Variants in POGZ observed in about 807,000 individuals in gnomAD.
The protein encoded by POGZ is pogo transposable element with ZNF domain.
Under a neutral mutation model 134.6 loss-of-function variants are expected in POGZ, and 17 were observed. The observed-to-expected ratio is 0.13, with a 90% CI of 0.09 to 0.19. POGZ has a LOEUF of 0.19. Ranked by LOEUF, POGZ falls within the 10% of genes least tolerant of loss-of-function variation. The probability of loss-of-function intolerance (pLI) is 1.00; values close to 1 mark genes in which losing one functional copy is unlikely to be tolerated. For synonymous variants in POGZ, 693 were observed against 657.1 expected, an observed-to-expected ratio of 1.05 and a Z score of -0.84; for missense variants, 1,306 against 1,769.7, an observed-to-expected ratio of 0.74 and a Z score of 4.70.
chr1:151,452,928 C>T (rs1662310082), intron 1 of POGZ, among the ~76,000 whole-genome samples: 1 of 151,506 alleles, frequency 6.6e-6, no homozygotes, highest in Admixed American at 6.7e-5. Flanking sequence ...AATTCTTTCA[C>T]CCTTTTCTTT....
intron 3 of POGZ, among the ~76,000 whole-genome samples, chr1:151,436,082 G>A (rs1011884805): frequency 6.7e-6 from 1 of 149,152 alleles, no homozygotes; most frequent in African/African-American, 2.5e-5. Context: ...TCAGCCTCCC[G>A]AGTAGCTGGG....
Position 151,459,481 on chromosome 1 carries a change from C to T in POGZ, c.-331G>A, listed in dbSNP as rs1463808409. ...GACTCCCCCCACCGACCCTCTCGCC[C>T]CGCGGAGGGATACGGCTCGTCACTT... On this transcript the variant is annotated 5_prime_UTR_variant, in exon 1 of 19. Transcript: ENST00000271715. The T allele has an allele frequency of 6.6e-6, 1 of 152,316 alleles. No individual in the cohort carries two copies. The highest frequency in any genetic ancestry group is 1.5e-5 in the Non-Finnish European group (1 of 68,054). The allele number at this position is 152,316 out of a possible 1,614,324, so 9.4% of individuals were successfully genotyped here. A position where few individuals can be genotyped will look rare whatever the true frequency, so the allele number is the denominator to read the frequency against.
At chr1:151,442,260 T>C (rs896550757) in intron 1 of POGZ, 55 bp from the exon 2 acceptor site, 28 of 1,516,164 alleles carry the variant, frequency 1.8e-5, no homozygotes, top group Non-Finnish European at 2.2e-5. Context: ...GATATTGCTT[T>C]ATACCAAATA....
intron 3 of POGZ, 117 bp from the exon 4 acceptor site, chr1:151,430,958 G>A: frequency 1.8e-6 from 1 of 550,278 alleles, no homozygotes; most frequent in Non-Finnish European, 2.5e-6. Context: ...ATTTGATACA[G>A]GGTCTCACAC....
intron 1 of POGZ, among the ~76,000 whole-genome samples, chr1:151,447,390 T>C (rs768329668): frequency 6.6e-6 from 1 of 151,952 alleles, no homozygotes; most frequent in Non-Finnish European, 1.5e-5. Context: ...AAAAATTGTA[T>C]TACCATTACA....
intron 3 of POGZ, among the ~76,000 whole-genome samples, chr1:151,433,410 C>T (rs1180314644): frequency 6.6e-6 from 1 of 151,782 alleles, no homozygotes; most frequent in African/African-American, 2.4e-5. Flanking sequence ...GAGTTTGAGA[C>T]CAGCCTGACC....
chr1:151,443,599 G>A (rs1016361817), intron 1 of POGZ, among the ~76,000 whole-genome samples: 3 of 151,936 alleles, frequency 2.0e-5, no homozygotes, highest in Non-Finnish European at 1.5e-5. Flanking sequence ...CTGTAATCCC[G>A]GCTACTCGGG....
intron 1 of POGZ, among the ~76,000 whole-genome samples, chr1:151,445,833 G>A (rs1661183343): frequency 1.3e-5 from 2 of 151,974 alleles, no homozygotes; most frequent in Admixed American, 6.6e-5. Flanking sequence ...GGGTCTAAAA[G>A]ATACAACAGA....
In POGZ at chr1:151,404,052, G is replaced by A; in HGVS notation, c.*750C>T. Reference sequence around the variant, plus strand: ...AAAATATTGTTTATGTCATGTTTTGGAGGGAAGGTGGTGAGGAAAAGACAA... The same window carrying A: ...AAAATATTGTTTATGTCATGTTTTGAAGGGAAGGTGGTGAGGAAAAGACAA... On this transcript the variant is annotated 3_prime_UTR_variant, in exon 19 of 19. Transcript: ENST00000271715. 1.0e-6 allele frequency: 1 copy of A among 985,462 alleles called. No individual in the cohort carries two copies. The highest frequency in any genetic ancestry group is 1.2e-6 in the Non-Finnish European group (1 of 829,908). The allele number at this position is 985,462 out of a possible 1,614,324, so 61.0% of individuals were successfully genotyped here.
At chr1:151,424,685 T>C (rs1657480936) in intron 8 of POGZ, among the ~76,000 whole-genome samples, 1 of 152,202 alleles carries the variant, frequency 6.6e-6, no homozygotes, top group Non-Finnish European at 1.5e-5. Flanking sequence ...ATGGTTTGAG[T>C]CCTTATTATC....
At position 151,405,437 on chromosome 1, in the gene POGZ, T is replaced by C. The variant is rs757736540; in HGVS notation, c.3598A>G (p.Ser1200Gly). Residue 1200 changes from serine to glycine, a missense_variant, in exon 19 of 19, where the codon AGT (serine) becomes GGT (glycine). By Grantham distance (56) the Ser-to-Gly change is moderately conservative (BLOSUM62 0). Coordinates refer to ENST00000271715, the MANE Select transcript of POGZ (RefSeq NM_015100.4). This position sits in a 1 kb window ranked among gnomAD's most constrained non-coding sequence, Gnocchi z 4.9. ...CACAGCTCCATGATCTCGTCATCACTGTAGCCACTCTCCTTTGCCTCTAGC... is the reference window on the plus strand; with the variant it reads ...CACAGCTCCATGATCTCGTCATCACCGTAGCCACTCTCCTTTGCCTCTAGC... Reference protein sequence around the residue: ...ILLEAKESGYSDDEIMELWST... With the variant: ...ILLEAKESGYGDDEIMELWST... The C allele has an allele frequency of 4.5e-5, 73 of 1,614,120 alleles. No individual in the cohort carries two copies. In the Middle Eastern group the frequency reaches 4.9e-4, roughly 11 times the overall value.
chr1:151,446,443 A>G (rs1661282698), intron 1 of POGZ, among the ~76,000 whole-genome samples: 1 of 152,098 alleles, frequency 6.6e-6, no homozygotes, highest in Non-Finnish European at 1.5e-5. Context: ...GCCAGCCCAT[A>G]GTGAATACAG....
Position 151,428,148 on chromosome 1 carries a change from T to C in POGZ, c.834A>G (p.Ser278=), listed in dbSNP as rs1283638490. The C allele has an allele frequency of 6.2e-7, 1 of 1,614,210 alleles. No homozygotes were observed. The highest frequency in any genetic ancestry group is 1.7e-5 in the Admixed American group (1 of 60,028). The change falls in exon 6 of 19, where the codon TCA becomes TCG. Residue 278 remains serine, a synonymous_variant. Transcript: ENST00000271715. ...CTAGCTTGGGATTCGTGGTCTGGTT[T>C]GACTGGCCTGGAGACTGAACAGCTA... ...GQLAVQSPGQ[S]NQTTNPKLAP...
rs181537774 is a variant in POGZ, at chr1:151,432,737, A to G, written c.284-1896T>C. 1.8e-3 allele frequency among the ~76,000 whole-genome samples: 279 copies of G among 152,334 alleles called. 1 individual carries two copies. Among genetic ancestry groups the G allele is most frequent in the African/African-American group, 6.3e-3 (261 of 41,574 alleles). ...AAGCAAGTTCTAGATCATATCATCT[A>G]TAAGTATTTCAAAATATACCTTCTA... On this transcript the variant is annotated intron_variant, in intron 3 of 18. Coordinates refer to ENST00000271715, the MANE Select transcript of POGZ (RefSeq NM_015100.4).
In POGZ at chr1:151,405,611, G is replaced by C. The variant is rs773311942; in HGVS notation, c.3424C>G (p.Arg1142Gly). Residue 1142 changes from arginine (R) to glycine (G), a missense_variant, in exon 19 of 19, where the codon CGA becomes GGA. This residue lies in a region of POGZ where 161 missense variants were observed against 185.4 expected (regional missense o/e 0.87). Coordinates refer to ENST00000271715, the MANE Select transcript of POGZ (RefSeq NM_015100.4). The surrounding 1 kb of genome is among the most constrained non-coding windows in gnomAD (Gnocchi z 4.9). ...ACTGTCTGCAGGGCATTCTCCTTTC[G>C]ATCATCACTGCTCAGCACCTCTGTA... ...LDTEVLSSDD[R>G]KENALQTVGT... 4.3e-6 allele frequency: 7 copies of C among 1,614,126 alleles called. No individual in the cohort carries two copies. Among genetic ancestry groups the C allele is most frequent in the Non-Finnish European group, 5.9e-6 (7 of 1,180,026 alleles).
Position 151,449,882 on chromosome 1 carries a change from G to A in POGZ, c.-1-7677C>T, listed in dbSNP as rs186379057. 4.3e-4 allele frequency among the ~76,000 whole-genome samples: 65 copies of A among 152,272 alleles called. No individual in the cohort carries two copies. The East Asian group carries it at 9.1e-3, about 21-fold the overall frequency. On this transcript the variant is annotated intron_variant, in intron 1 of 18. Coordinates refer to ENST00000271715, the MANE Select transcript of POGZ (RefSeq NM_015100.4). ...AGCCTGGGAGACAGTGCGAGACTCC[G>A]TCTCAAAAACTCTGCAAGAGAGCAG... is the stretch of plus-strand genomic sequence containing the variant.
Position 151,430,798 on chromosome 1 carries a change from C to A in POGZ, c.327G>T (p.Leu109=). Residue 109 remains leucine (L), a synonymous_variant, in exon 4 of 19, where the codon CTG becomes CTT. Transcript: ENST00000271715. ...LVQQGGQPLI[L]TQNPAPGLGT... ...CCAGACCTGGGGCTGGATTCTGGGT[C>A]AGGATGAGTGGCTGTCCACCTTGCT... is the stretch of plus-strand genomic sequence containing the variant. 6.3e-7 allele frequency: 1 copy of A among 1,592,174 alleles called. No individual in the cohort carries two copies. Among genetic ancestry groups the A allele is most frequent in the South Asian group, 1.1e-5 (1 of 88,908 alleles).
At chr1:151,450,275 A>G (rs1317382620) in intron 1 of POGZ, among the ~76,000 whole-genome samples, 1 of 151,474 alleles carries the variant, frequency 6.6e-6, no homozygotes, top group Non-Finnish European at 1.5e-5. Context: ...CAGGTGATCC[A>G]CCTGCCTTGG....
At position 151,405,561 on chromosome 1, in the gene POGZ, A is replaced by C; in HGVS notation, c.3474T>G (p.Asp1158Glu). ...QTVGTGEPWC[D>E]VVLAILADGT... Reference sequence around the variant, plus strand: ...CATCTGCCAGAATGGCTAGGACTACATCACACCAAGGTTCCCCTGTGCCCA... The same window carrying C: ...CATCTGCCAGAATGGCTAGGACTACCTCACACCAAGGTTCCCCTGTGCCCA... Residue 1158 changes from aspartate (D) to glutamate (E), a missense_variant, in exon 19 of 19, where the codon GAT (aspartate) becomes GAG (glutamate). Coordinates refer to ENST00000271715, the MANE Select transcript of POGZ (RefSeq NM_015100.4). The surrounding 1 kb of genome is among the most constrained non-coding windows in gnomAD (Gnocchi z 4.9). The C allele has an allele frequency of 6.2e-7, 1 of 1,614,186 alleles. No homozygotes were observed. Among genetic ancestry groups the C allele is most frequent in the Admixed American group, 1.7e-5 (1 of 60,020 alleles).
Sources: allele counts gnomAD v4.1 joint callset (sites outside exome capture counted in the v4.1 genomes callset), GRCh38; gene constraint gnomAD v4.1.1; regional missense constraint gnomAD v4.1.1; non-coding constraint Gnocchi (gnomAD v3.1); transcripts MANE v1.5; gene names NCBI Gene and HGNC (gene_info 2026-07-23, HGNC 2026-07-21).